The following TBC1D2 variants were observed in gnomAD, a reference collection of about 807,000 sequenced individuals.
The protein encoded by TBC1D2 is TBC1 domain family member 2, also known as TBC1 domain family member 2A.
Under a neutral mutation model 91.1 loss-of-function variants are expected in TBC1D2, and 58 were observed. The ratio of observed to expected loss-of-function variants is 0.64; its 90% CI spans 0.52 to 0.79. The LOEUF is 0.79. TBC1D2 is among the 30% of genes least tolerant of loss of function. The pLI, the probability that TBC1D2 is intolerant of heterozygous loss-of-function variation, is 0.00. For synonymous variants in TBC1D2, 482 were observed against 511.5 expected (o/e 0.94, Z 0.78); for missense variants, 1,080 against 1,208.3 (o/e 0.89, Z 1.57).
chr9:98,235,850 C>T (rs904109989), intron 3 of TBC1D2, among the ~76,000 whole-genome samples: 1 of 152,146 alleles, frequency 6.6e-6, no homozygotes, highest in African/African-American at 2.4e-5. Flanking sequence ...CTGGCTAACA[C>T]GGTGAAACCC....
chr9:98,255,616 G>A lies in TBC1D2; in HGVS notation c.-75C>T. On this transcript the variant is annotated 5_prime_UTR_variant, in exon 1 of 13. Transcript: ENST00000465784. ...GGGACAAATCTCGGAGACTCGGCGG[G>A]CAGCTTCCCAAAGGGAGACACCTGG... is the stretch of plus-strand genomic sequence containing the variant. 7.1e-7 allele frequency: 1 copy of A among 1,408,806 alleles called. No individual in the cohort carries two copies. Among genetic ancestry groups the A allele is most frequent in the Non-Finnish European group, 9.2e-7 (1 of 1,085,260 alleles). The allele number at this position is 1,408,806 out of a possible 1,614,324, so 87.3% of individuals were successfully genotyped here.
In TBC1D2 at chr9:98,244,659, C is replaced by CAAAAA. The variant is rs59871511; in HGVS notation, c.512-535_512-531dup. 2.0e-3 allele frequency among the ~76,000 whole-genome samples: 93 copies of CAAAAA among 46,810 alleles called. 4 individuals are homozygous for CAAAAA. The highest frequency in any genetic ancestry group is 3.4e-3 in the South Asian group (3 of 894). The allele number at this position is 46,810 out of a possible 152,430, so 30.7% of individuals were successfully genotyped here. On this transcript the variant is annotated intron_variant, in intron 2 of 12. Coordinates refer to ENST00000465784, the MANE Select transcript of TBC1D2 (RefSeq NM_001267571.2). Reference sequence around the variant, plus strand: ...GGGCAACAAGAGTGAAACTCCGTCTCAAAAAAAAAAAAAAAAAAAAAAAAG... The same window carrying CAAAAA: ...GGGCAACAAGAGTGAAACTCCGTCTCAAAAAAAAAAAAAAAAAAAAAAAAAAAAAG...
At chr9:98,229,766 AC>A (rs1401356654) in intron 4 of TBC1D2, among the ~76,000 whole-genome samples, 1 of 152,132 alleles carries the variant, frequency 6.6e-6, no homozygotes, top group Non-Finnish European at 1.5e-5. Flanking sequence ...CTGGGTTACA[AC>A]CTATGGTTCA....
chr9:98,255,494 A>C lies in TBC1D2; in HGVS notation c.48T>G (p.Pro16=). 1 of 1,558,664 alleles carries C rather than the reference A, an allele frequency of 6.4e-7. No homozygotes were observed. Among genetic ancestry groups the C allele is most frequent in the Non-Finnish European group, 8.7e-7 (1 of 1,150,312 alleles). ...ENAPESSSSA[P]GSEESARDPQ... ...GATCCCTGGCAGACTCTTCGGACCC[A>C]GGGGCAGAGGAGCTGGACTCCGGGG... Residue 16 remains proline, a synonymous_variant, in exon 1 of 13, where the codon CCT becomes CCG. Coordinates refer to ENST00000465784, the MANE Select transcript of TBC1D2 (RefSeq NM_001267571.2).
At chr9:98,254,894 C>T (rs1165649376) in intron 1 of TBC1D2, among the ~76,000 whole-genome samples, 1 of 152,196 alleles carries the variant, frequency 6.6e-6, no homozygotes, top group East Asian at 1.9e-4. Flanking sequence ...CTATGGGATT[C>T]CAAGCTACCC....
chr9:98,210,471 T>C lies in TBC1D2; in HGVS notation c.1673+185A>G, dbSNP rs563918342. Among the ~76,000 whole-genome samples, 16 of 152,230 alleles carry C rather than the reference T, an allele frequency of 1.1e-4. No homozygotes were observed. In the South Asian group the frequency reaches 3.1e-3, roughly 30 times the overall value. ...GTGCCGCAAATGTACTATAGGGCCA[T>C]GGCAGGGGGCTGCCTCCTCTGAGCG... On this transcript the variant is annotated intron_variant, in intron 8 of 12. Coordinates refer to ENST00000465784, the MANE Select transcript of TBC1D2 (RefSeq NM_001267571.2).
At chr9:98,226,150 T>A (rs1270057309) in intron 5 of TBC1D2, among the ~76,000 whole-genome samples, 1 of 152,216 alleles carries the variant, frequency 6.6e-6, no homozygotes, top group Non-Finnish European at 1.5e-5. Flanking sequence ...CTGTCTCACC[T>A]CTTTGGTTTC....
intron 3 of TBC1D2, among the ~76,000 whole-genome samples, chr9:98,243,017 T>C (rs889700527): frequency 1.3e-5 from 2 of 151,848 alleles, no homozygotes; most frequent in African/African-American, 4.8e-5. Flanking sequence ...TGGCCTCAAG[T>C]GATCCTCCTG....
intron 2 of TBC1D2, among the ~76,000 whole-genome samples, chr9:98,244,659 C>CAAAAAAAA (rs59871511): frequency 4.3e-5 from 2 of 46,896 alleles, no homozygotes; most frequent in Non-Finnish European, 8.0e-5. Flanking sequence ...AACTCCGTCT[C>CAAAAAAAA]AAAAAAAAAA....
At chr9:98,217,375 A>T (rs1828996211) in intron 6 of TBC1D2, among the ~76,000 whole-genome samples, 1 of 152,256 alleles carries the variant, frequency 6.6e-6, no homozygotes, top group Non-Finnish European at 1.5e-5. Context: ...TGGCCTGGGC[A>T]TGGGAGGCCA....
chr9:98,251,700 T>C, intron 2 of TBC1D2, 85 bp downstream of exon 2: 1 of 1,452,248 alleles, frequency 6.9e-7, no homozygotes, highest in Non-Finnish European at 9.1e-7. Flanking sequence ...AGCAGAGGGC[T>C]CCTCCCGCTC....
intron 3 of TBC1D2, among the ~76,000 whole-genome samples, chr9:98,242,183 T>G (rs896694524): frequency 6.6e-6 from 1 of 152,122 alleles, no homozygotes; most frequent in African/African-American, 2.4e-5. Context: ...GGCTCACGTC[T>G]GTAATCCCAG....
At chr9:98,225,434 A>G (rs1305127442) in intron 5 of TBC1D2, among the ~76,000 whole-genome samples, 1 of 152,298 alleles carries the variant, frequency 6.6e-6, no homozygotes, top group South Asian at 2.1e-4. Context: ...TTTTTTCTCA[A>G]GAGCAGTTTT....
At position 98,220,995 on chromosome 9, in the gene TBC1D2, C is replaced by T; in HGVS notation, c.1212G>A (p.Val404=). The stretch of plus-strand genomic sequence containing the variant: ...CGTGGTTCTTGTCCATAAGCAGCTG[C>T]ACGTGCTGCTGTAGCTCCTGCACCT... ...EQQVQELQQH[V]QLLMDKNHAK... is the part of the protein sequence containing the mutation. Residue 404 remains valine, a synonymous_variant, in exon 6 of 13, where the codon GTG becomes GTA. Coordinates refer to ENST00000465784, the MANE Select transcript of TBC1D2 (RefSeq NM_001267571.2). 1 of 1,614,174 alleles carries T rather than the reference C, an allele frequency of 6.2e-7. No homozygotes were observed. Among genetic ancestry groups the T allele is most frequent in the Non-Finnish European group, 8.5e-7 (1 of 1,180,022 alleles).
In TBC1D2 at chr9:98,217,329, G is replaced by A. The variant is rs1394461341; in HGVS notation, c.1374+3504C>T. On this transcript the variant is annotated intron_variant, in intron 6 of 12. Transcript: ENST00000465784. ...AGCCCGGGAATTCTCTTTGGGCCATGCCCATGGACTAGGCCCTGTGCTGTG... is the reference window on the plus strand; with the variant it reads ...AGCCCGGGAATTCTCTTTGGGCCATACCCATGGACTAGGCCCTGTGCTGTG... Among the ~76,000 whole-genome samples, 9 of 152,266 alleles carry A rather than the reference G, an allele frequency of 5.9e-5. No homozygotes were observed. In the East Asian group the frequency reaches 1.7e-3, roughly 29 times the overall value.
intron 2 of TBC1D2, among the ~76,000 whole-genome samples, chr9:98,250,087 G>A (rs952257510): frequency 1.3e-5 from 2 of 152,182 alleles, no homozygotes; most frequent in Non-Finnish European, 2.9e-5. Context: ...AGGGCCCAGA[G>A]AGAATCCAGC....
chr9:98,230,837 T>G (rs1334957170), intron 4 of TBC1D2, among the ~76,000 whole-genome samples: 1 of 152,142 alleles, frequency 6.6e-6, no homozygotes, highest in Non-Finnish European at 1.5e-5. Flanking sequence ...GCCGAGATCA[T>G]GCCAGTGCGC....
chr9:98,200,261 G>A lies in TBC1D2; in HGVS notation c.2571C>T (p.Ser857=). 6.2e-7 allele frequency: 1 copy of A among 1,613,946 alleles called. No homozygotes were observed. Among genetic ancestry groups the A allele is most frequent in the Middle Eastern group, 1.7e-4 (1 of 6,044 alleles). Residue 857 remains serine (S), a synonymous_variant, in exon 12 of 13, where the codon TCC becomes TCT. Transcript: ENST00000465784. The part of the protein sequence containing the change: ...QYLRFFTKTI[S]NSRKLMNIAF... ...GGGTGGGGGTTCCTCACCGGCTGTT[G>A]GAGATGGTCTTGGTGAAGAAGCGCA...
At chr9:98,203,203 A>G (rs1828556281) in intron 10 of TBC1D2, 85 bp downstream of exon 10, 9 of 1,560,442 alleles carry the variant, frequency 5.8e-6, no homozygotes, top group East Asian at 4.5e-5. Flanking sequence ...GAGATTCCCA[A>G]CTTTCCTGAG....
Sources: gnomAD v4.1 joint callset for allele counts (sites outside exome capture counted in the v4.1 genomes callset) on GRCh38, gnomAD v4.1.1 for gene constraint, MANE v1.5 for transcripts, NCBI Gene and HGNC (gene_info 2026-07-23, HGNC 2026-07-21) for gene names.